WDR70: variants seen among roughly 807,000 people sequenced by gnomAD.
The protein encoded by WDR70 is WD repeat domain 70.
In WDR70, 53 loss-of-function variants were observed where a neutral mutation model predicts 88.6. That is an observed-to-expected ratio of 0.60 (90% CI 0.48 to 0.75). The LOEUF (loss-of-function observed/expected upper bound fraction) is 0.75, where lower values mean the gene tolerates loss of function less well. Ranked by LOEUF, WDR70 falls within the 30% of genes least tolerant of loss-of-function variation. The pLI is 0.00. For missense variants in WDR70, 610 were observed against 823.2 expected (o/e 0.74, Z 3.17); for synonymous variants, 280 against 270.0 (o/e 1.04, Z -0.36).
intron 9 of WDR70, 37 bp from the exon 10 acceptor site, chr5:37,605,020 CTTTTTTT>C: frequency 7.5e-7 from 1 of 1,334,220 alleles, no homozygotes; most frequent in Non-Finnish European, 1.0e-6. Flanking sequence ...CCCCCTCCTT[CTTTTTTT>C]TTTTAAATAA....
chr5:37,473,732 G>T (rs976522768), intron 7 of WDR70, among the ~76,000 whole-genome samples: 5 of 152,176 alleles, frequency 3.3e-5, no homozygotes, highest in African/African-American at 1.2e-4. Flanking sequence ...AAAGTCACAT[G>T]AATTGACTTG....
chr5:37,539,385 A>G (rs1271073443), intron 9 of WDR70, among the ~76,000 whole-genome samples: 1 of 152,154 alleles, frequency 6.6e-6, no homozygotes. Context: ...TCCTTATAAG[A>G]AGACAAAGAC....
At chr5:37,480,700 A>G (rs1739637336) in intron 8 of WDR70, among the ~76,000 whole-genome samples, 1 of 152,138 alleles carries the variant, frequency 6.6e-6, no homozygotes, top group Admixed American at 6.5e-5. Context: ...TTGGGTGGGG[A>G]CACAGCCAAA....
chr5:37,438,326 A>G (rs751489662), intron 6 of WDR70, among the ~76,000 whole-genome samples: 11 of 152,158 alleles, frequency 7.2e-5, no homozygotes, highest in Non-Finnish European at 1.2e-4. Context: ...CTTCTGTATC[A>G]GTAAAAGGCA....
intron 5 of WDR70, among the ~76,000 whole-genome samples, chr5:37,398,270 A>G (rs544371469): frequency 6.6e-6 from 1 of 151,866 alleles, no homozygotes; most frequent in Admixed American, 6.6e-5. Flanking sequence ...TCGTATTTTT[A>G]GTAGAGATGA....
chr5:37,749,454 T>C (rs1748735391), intron 17 of WDR70, among the ~76,000 whole-genome samples: 1 of 151,510 alleles, frequency 6.6e-6, no homozygotes, highest in Non-Finnish European at 1.5e-5. Flanking sequence ...CGTTGGGGTG[T>C]GAGGGAAAGG....
intron 2 of WDR70, among the ~76,000 whole-genome samples, 193 bp from the exon 3 acceptor site, chr5:37,381,409 A>G (rs1748419871): frequency 6.6e-6 from 1 of 152,190 alleles, no homozygotes; most frequent in South Asian, 2.1e-4. Context: ...TGCCTGGTTA[A>G]TAGTACTTAG....
intron 13 of WDR70, among the ~76,000 whole-genome samples, chr5:37,710,351 TC>T (rs1190637870): frequency 1.3e-5 from 2 of 151,978 alleles, no homozygotes; most frequent in African/African-American, 4.8e-5. Flanking sequence ...CCCTCTATAG[TC>T]ACACACACAC....
At chr5:37,649,285 G>A (rs1259721469) in intron 10 of WDR70, among the ~76,000 whole-genome samples, 1 of 152,016 alleles carries the variant, frequency 6.6e-6, no homozygotes, top group Non-Finnish European at 1.5e-5. Context: ...CACTGGGAGA[G>A]TAGGAATTAA....
intron 17 of WDR70, among the ~76,000 whole-genome samples, chr5:37,742,130 C>A (rs958510451): frequency 3.3e-5 from 5 of 152,118 alleles, no homozygotes; most frequent in African/African-American, 1.2e-4. Context: ...GATCACATGG[C>A]AGTTCTATTT....
intron 10 of WDR70, among the ~76,000 whole-genome samples, chr5:37,685,691 A>G (rs984267961): frequency 1.5e-4 from 23 of 152,036 alleles, no homozygotes; most frequent in Admixed American, 5.2e-4. Flanking sequence ...ACCAAACTCT[A>G]TTGGCTGGCA....
chr5:37,553,190 T>C (rs192160398), intron 9 of WDR70, among the ~76,000 whole-genome samples: 2 of 152,238 alleles, frequency 1.3e-5, no homozygotes, highest in Admixed American at 6.5e-5. Flanking sequence ...TCTTTATGAG[T>C]GTTGTGATCC....
chr5:37,687,271 A>G lies in WDR70; in HGVS notation c.1093-10384A>G, dbSNP rs59785719. Among the ~76,000 whole-genome samples the G allele has an allele frequency of 7.5e-3, 1,143 of 152,274 alleles. 17 individuals carry two copies. The highest frequency in any genetic ancestry group is 0.026 in the African/African-American group (1,074 of 41,552). ...TGGTTAAGGTGAAGTTAATAATTGA[A>G]GAGCACTTTTTGATATAAAATTTGG... On this transcript the variant is annotated intron_variant, in intron 10 of 17. Transcript: ENST00000265107.
At chr5:37,386,194 A>G (rs558926576) in intron 3 of WDR70, among the ~76,000 whole-genome samples, 59 of 152,158 alleles carry the variant, frequency 3.9e-4, no homozygotes, top group Non-Finnish European at 6.2e-4. Flanking sequence ...AAGACATGCT[A>G]TCTGAGGCAT....
chr5:37,475,843 A>ATTT (rs35126157), intron 7 of WDR70, among the ~76,000 whole-genome samples: 20 of 120,626 alleles, frequency 1.7e-4, no homozygotes, highest in East Asian at 4.8e-4. Flanking sequence ...TGCATTACAT[A>ATTT]TTTTTTTTTT....
intron 10 of WDR70, among the ~76,000 whole-genome samples, chr5:37,654,259 T>G (rs1745489516): frequency 6.6e-6 from 1 of 152,246 alleles, no homozygotes; most frequent in Admixed American, 6.5e-5. Context: ...TGGTTTTGAG[T>G]GATTTTCTTA....
intron 10 of WDR70, among the ~76,000 whole-genome samples, chr5:37,692,949 T>C (rs878936915): frequency 1.3e-5 from 2 of 152,152 alleles, no homozygotes; most frequent in Non-Finnish European, 2.9e-5. Context: ...GATGACATGA[T>C]TGTATATTTA....
chr5:37,641,837 C>T (rs550913026), intron 10 of WDR70, among the ~76,000 whole-genome samples: 1 of 152,264 alleles, frequency 6.6e-6, no homozygotes, highest in Admixed American at 6.5e-5. Flanking sequence ...GACTGAAACA[C>T]TTACTTTTGC....
At chr5:37,691,621 TAATGA>T (rs1746796298) in intron 10 of WDR70, among the ~76,000 whole-genome samples, 1 of 152,042 alleles carries the variant, frequency 6.6e-6, no homozygotes, top group Non-Finnish European at 1.5e-5. Flanking sequence ...ACTGGGTAAA[TAATGA>T]AATGAAGGCA....
Sources: allele counts gnomAD v4.1 joint callset (sites outside exome capture counted in the v4.1 genomes callset), GRCh38; gene constraint gnomAD v4.1.1; transcripts MANE v1.5; gene names NCBI Gene and HGNC (gene_info 2026-07-23, HGNC 2026-07-21).